VPS13B: variants seen among roughly 807,000 people sequenced by gnomAD.
The protein encoded by VPS13B is intermembrane lipid transfer protein VPS13B.
Under a neutral mutation model 426.4 loss-of-function variants are expected in VPS13B, and 285 were observed. The observed-to-expected ratio is 0.67, with a 90% CI of 0.61 to 0.74. The LOEUF (loss-of-function observed/expected upper bound fraction) is 0.74, where lower values mean the gene tolerates loss of function less well. Among genes scored for constraint, VPS13B ranks in the 30% least tolerant of loss-of-function variants. VPS13B has a pLI of 0.00. For synonymous variants in VPS13B, 1,676 were observed against 1,676.4 expected (o/e 1.00, Z 0.01); for missense variants, 4,537 against 4,782.6 (o/e 0.95, Z 1.51).
intron 31 of VPS13B, among the ~76,000 whole-genome samples, chr8:99,570,773 G>C (rs1825434155): frequency 6.6e-6 from 1 of 151,814 alleles, no homozygotes; most frequent in Admixed American, 6.6e-5. Flanking sequence ...TTTTTCCCTT[G>C]AGTATCCTTT....
chr8:99,088,032 A>G (rs1845932486), intron 3 of VPS13B, among the ~76,000 whole-genome samples: 3 of 151,918 alleles, frequency 2.0e-5, no homozygotes, highest in Non-Finnish European at 2.9e-5. Context: ...GAAAATACAA[A>G]AATTAGCTGG....
chr8:99,242,042 G>T (rs148220397), intron 17 of VPS13B, among the ~76,000 whole-genome samples: 1 of 151,988 alleles, frequency 6.6e-6, no homozygotes, highest in African/African-American at 2.4e-5. Flanking sequence ...GTGCAATGGC[G>T]TGGTCTCGGC....
intron 23 of VPS13B, among the ~76,000 whole-genome samples, chr8:99,464,400 T>C (rs982424027): frequency 4.6e-5 from 7 of 152,176 alleles, no homozygotes; most frequent in Admixed American, 4.6e-4. Flanking sequence ...GTAGAGTGTT[T>C]TTTGAAAGGA....
chr8:99,184,052 G>A (rs1044037216), intron 16 of VPS13B, among the ~76,000 whole-genome samples: 5 of 152,160 alleles, frequency 3.3e-5, no homozygotes, highest in African/African-American at 1.2e-4. Flanking sequence ...ACATGTATTA[G>A]TACTTCACTT....
chr8:99,463,588 A>G (rs1563744366), intron 23 of VPS13B, among the ~76,000 whole-genome samples: 1 of 152,142 alleles, frequency 6.6e-6, no homozygotes, highest in Non-Finnish European at 1.5e-5. Context: ...TTCCTCTTCT[A>G]TGAAGATGGA....
intron 37 of VPS13B, among the ~76,000 whole-genome samples, chr8:99,718,671 CTT>C (rs1307941415): frequency 4.2e-5 from 6 of 141,732 alleles, no homozygotes; most frequent in Non-Finnish European, 4.7e-5. Context: ...TTCTTTTTTT[CTT>C]TTTTTTTTTT....
chr8:99,354,350 C>T (rs1812069536), intron 19 of VPS13B, among the ~76,000 whole-genome samples: 1 of 121,112 alleles, frequency 8.3e-6, no homozygotes, highest in African/African-American at 3.2e-5. Flanking sequence ...GAACAAATAT[C>T]CCAGGATACA....
At position 99,383,635 on chromosome 8, in the gene VPS13B, A is replaced by T. The variant is rs777206253; in HGVS notation, c.2825-573A>T. On this transcript the variant is annotated intron_variant, in intron 19 of 61. Coordinates refer to ENST00000357162, the MANE Select transcript of VPS13B (RefSeq NM_152564.5). ...AGTTATTTCTACTCTCCCCTCTCAC[A>T]GGCCCTGGTAACCACAAATCTACTT... Among the ~76,000 whole-genome samples the T allele has an allele frequency of 5.6e-3, 852 of 152,262 alleles. 3 individuals carry two copies. The highest frequency in any genetic ancestry group is 9.8e-3 in the Non-Finnish European group (664 of 68,004).
intron 31 of VPS13B, among the ~76,000 whole-genome samples, chr8:99,556,915 A>T (rs1332521501): frequency 6.6e-6 from 1 of 152,112 alleles, no homozygotes; most frequent in Admixed American, 6.6e-5. Flanking sequence ...TATTGAAAGA[A>T]TCTACTTCAG....
intron 36 of VPS13B, among the ~76,000 whole-genome samples, chr8:99,715,092 CTT>C (rs201865475): frequency 3.5e-5 from 5 of 141,876 alleles, no homozygotes; most frequent in Admixed American, 7.0e-5. Flanking sequence ...AAATAGAAAG[CTT>C]TTTTTTTTTT....
intron 19 of VPS13B, among the ~76,000 whole-genome samples, chr8:99,368,006 C>CA: frequency 6.6e-6 from 1 of 152,272 alleles, no homozygotes; most frequent in African/African-American, 2.4e-5. Flanking sequence ...CATGCCACTC[C>CA]AAGGAGATTT....
chr8:99,354,092 A>G (rs1029003631), intron 19 of VPS13B, among the ~76,000 whole-genome samples: 1 of 151,972 alleles, frequency 6.6e-6, no homozygotes, highest in Non-Finnish European at 1.5e-5. Flanking sequence ...TTATAACTAC[A>G]AATAATCCTT....
At chr8:99,306,771 G>A (rs1222528168) in intron 19 of VPS13B, among the ~76,000 whole-genome samples, 1 of 152,004 alleles carries the variant, frequency 6.6e-6, no homozygotes, top group African/African-American at 2.4e-5. Context: ...GTTTTCCCAT[G>A]GAAGAGGCAT....
intron 13 of VPS13B, among the ~76,000 whole-genome samples, chr8:99,143,691 T>C (rs537973024): frequency 6.6e-6 from 1 of 152,310 alleles, no homozygotes; most frequent in South Asian, 2.1e-4. Context: ...TATAAGATAA[T>C]GAAGAACTCA....
rs970033305 is a variant in VPS13B at position 99,868,321 on chromosome 8, C to A, written c.11248C>A (p.Gln3750Lys). Reference protein sequence around the residue: ...AIAGIVDQPMQNFQKTSEAQA... With the variant: ...AIAGIVDQPMKNFQKTSEAQA... ...TGCTGGTATAGTTGATCAGCCGATG[C>A]AGAACTTCCAGAAAACATCTGAGGC... Residue 3750 changes from glutamine (Q) to lysine (K), a missense_variant, in exon 59 of 62, where the codon CAG becomes AAG. Physicochemically the swap from Gln to Lys is moderately conservative, Grantham distance 53. This residue lies in a region of VPS13B where 4,311 missense variants were observed against 4,474.3 expected (regional missense o/e 0.96). Transcript: ENST00000357162. The A allele has an allele frequency of 6.2e-7, 1 of 1,613,988 alleles. No individual in the cohort carries two copies. Among genetic ancestry groups the A allele is most frequent in the Admixed American group, 1.7e-5 (1 of 59,992 alleles).
Position 99,720,326 on chromosome 8 carries a change from T to G in VPS13B, c.6658-19T>G. ...TGTTTGTATTTAAAAGCTACTAGAA[T>G]TTTTTTATGATTTTAAAGGTCTTCT... On this transcript the variant is annotated intron_variant, in intron 37 of 61. Coordinates refer to ENST00000357162, the MANE Select transcript of VPS13B (RefSeq NM_152564.5). 1 of 1,603,532 alleles carries G rather than the reference T, an allele frequency of 6.2e-7. No individual in the cohort carries two copies. The highest frequency in any genetic ancestry group is 8.5e-7 in the Non-Finnish European group (1 of 1,172,998).
chr8:99,555,801 G>A (rs1355870559), intron 30 of VPS13B, among the ~76,000 whole-genome samples: 1 of 152,104 alleles, frequency 6.6e-6, no homozygotes, highest in Admixed American at 6.6e-5. Flanking sequence ...AACGTTGTAT[G>A]TTCCAACTCT....
At chr8:99,324,751 G>T (rs1042170305) in intron 19 of VPS13B, among the ~76,000 whole-genome samples, 1 of 152,124 alleles carries the variant, frequency 6.6e-6, no homozygotes, top group Non-Finnish European at 1.5e-5. Flanking sequence ...AGATTACCTT[G>T]AATCTTGTAT....
rs569532154 is a variant in VPS13B, at chr8:99,617,106, T to A, written c.5221-24705T>A. ...TTAAAAATATCAGCACAGATACACA[T>A]ATACACAAAAATTGAAAAGTCATAA... On this transcript the variant is annotated intron_variant, in intron 33 of 61. Coordinates refer to ENST00000357162, the MANE Select transcript of VPS13B (RefSeq NM_152564.5). Among the ~76,000 whole-genome samples, 13 of 152,246 alleles carry A rather than the reference T, an allele frequency of 8.5e-5. No homozygotes were observed. The South Asian group carries it at 2.5e-3, about 29-fold the overall frequency.
Sources: allele counts gnomAD v4.1 joint callset (sites outside exome capture counted in the v4.1 genomes callset), GRCh38; gene constraint gnomAD v4.1.1; regional missense constraint gnomAD v4.1.1; transcripts MANE v1.5; gene names NCBI Gene and HGNC (gene_info 2026-07-23, HGNC 2026-07-21).